The following SH3TC1 variants were observed in gnomAD, a reference collection of about 807,000 sequenced individuals.
SH3TC1 encodes the protein SH3 domain and tetratricopeptide repeat-containing protein 1.
SH3TC1 carries 135 observed loss-of-function variants against 117.3 expected under a neutral mutation model. The ratio of observed to expected loss-of-function variants is 1.15; its 90% CI spans 1.00 to 1.33. The LOEUF (loss-of-function observed/expected upper bound fraction) is 1.33, where lower values mean the gene tolerates loss of function less well. Ranked by LOEUF, SH3TC1 falls within the 40% of genes most tolerant of loss-of-function variation. The pLI, the probability that SH3TC1 is intolerant of heterozygous loss-of-function variation, is 0.00. For missense variants in SH3TC1, 2,092 were observed against 1,794.3 expected, an observed-to-expected ratio of 1.17 and a Z score of -3.00; for synonymous variants, 898 against 816.9, an observed-to-expected ratio of 1.10 and a Z score of -1.69.
In SH3TC1 at chr4:8,240,885, G is replaced by C; in HGVS notation, c.3941G>C (p.Arg1314Pro). 1 of 1,613,272 alleles carries C rather than the reference G, an allele frequency of 6.2e-7. No individual in the cohort carries two copies. Among genetic ancestry groups the C allele is most frequent in the Non-Finnish European group, 8.5e-7 (1 of 1,179,998 alleles). Residue 1314 changes from arginine (R) to proline (P), a missense_variant, in exon 18 of 18, where the codon CGC becomes CCC. By Grantham distance (103) the Arg-to-Pro change is moderately radical. Transcript: ENST00000245105. ...ARTFATELNV[R>P]RVNLPPLPLC... The stretch of plus-strand genomic sequence containing the variant: ...ACCTTCGCCACAGAGCTCAACGTCC[G>C]CAGGGTCAACCTGCCTCCTCTGCCA...
At position 8,205,371 on chromosome 4, in the gene SH3TC1, G is replaced by A. The variant is rs1054364041; in HGVS notation, c.172+5G>A. ...CCAAGGCGCCAGTGAGAGGCGGTGA[G>A]TTCATTCCACCCTCACCACCCGCCC... is the stretch of plus-strand genomic sequence containing the variant. On this transcript the variant is annotated splice_donor_5th_base_variant and intron_variant, in intron 2 of 17. Coordinates refer to ENST00000245105, the MANE Select transcript of SH3TC1 (RefSeq NM_018986.5). This position sits in a 1 kb window ranked among gnomAD's most constrained non-coding sequence, Gnocchi z 5.4. The A allele has an allele frequency of 2.6e-6, 4 of 1,544,474 alleles. No homozygotes were observed. The African/African-American group carries it at 5.5e-5, about 21-fold the overall frequency.
At chr4:8,238,204 G>A (rs1265771027) in intron 17 of SH3TC1, among the ~76,000 whole-genome samples, 1 of 152,180 alleles carries the variant, frequency 6.6e-6, no homozygotes, top group Non-Finnish European at 1.5e-5. Flanking sequence ...GGCAGGGTGG[G>A]GCGGGGCCGG....
Position 8,183,325 on chromosome 4 carries a change from C to T in SH3TC1, c.-57+1115C>T, listed in dbSNP as rs1717130522. Among the ~76,000 whole-genome samples the T allele has an allele frequency of 6.6e-6, 1 of 152,190 alleles. No homozygotes were observed. Among genetic ancestry groups the T allele is most frequent in the East Asian group, 1.9e-4 (1 of 5,196 alleles). On this transcript the variant is annotated intron_variant, in intron 1 of 16. Coordinates refer to the SH3TC1 transcript ENST00000508641. The surrounding 1 kb of genome is among the most constrained non-coding windows in gnomAD (Gnocchi z 5.4). The stretch of plus-strand genomic sequence containing the variant: ...GCAGGTCACGCCTGGGGCTAGGATG[C>T]CCTTCCAAAGCCCTGCCTCGGTTTC...
Position 8,209,797 on chromosome 4 carries a change from C to T in SH3TC1, c.222C>T (p.Pro74=), listed in dbSNP as rs759089245. Residue 74 remains proline, a synonymous_variant, in exon 3 of 18, where the codon CCC becomes CCT. Coordinates refer to ENST00000245105, the MANE Select transcript of SH3TC1 (RefSeq NM_018986.5). This position sits in a 1 kb window ranked among gnomAD's most constrained non-coding sequence, Gnocchi z 5.9. ...CTGGGCCTGCTGCTGGGACCCCTCC[C>T]TGCCAGATGGGGGTTTATCCCACAG... ...RVAGPAAGTP[P]CQMGVYPTDL... is the part of the protein sequence containing the mutation. 1.2e-6 allele frequency: 2 copies of T among 1,613,604 alleles called. No individual in the cohort carries two copies. The highest frequency in any genetic ancestry group is 3.3e-5 in the Admixed American group (2 of 60,004).
At position 8,233,476 on chromosome 4, in the gene SH3TC1, T is replaced by G; in HGVS notation, c.3245T>G (p.Ile1082Ser). 6.2e-7 allele frequency: 1 copy of G among 1,613,532 alleles called. No individual in the cohort carries two copies. The highest frequency in any genetic ancestry group is 1.1e-5 in the South Asian group (1 of 90,980). ...AWLQAGKIYYILRQSELVDLY... is the reference protein window; with the variant it reads ...AWLQAGKIYYSLRQSELVDLY... Reference sequence around the variant, plus strand: ...CTGCAAGCAGGGAAGATCTATTACATCTTGCGGCAGAGCGAGCTGGTGGAC... The same window carrying G: ...CTGCAAGCAGGGAAGATCTATTACAGCTTGCGGCAGAGCGAGCTGGTGGAC... Residue 1082 changes from isoleucine (I) to serine (S), a missense_variant, in exon 14 of 18, where the codon ATC becomes AGC. Coordinates refer to ENST00000245105, the MANE Select transcript of SH3TC1 (RefSeq NM_018986.5).
rs1485322795 is a variant in SH3TC1, at chr4:8,206,313, G to T, written c.172+947G>T. 6.6e-6 allele frequency among the ~76,000 whole-genome samples: 1 copy of T among 151,996 alleles called. No individual in the cohort carries two copies. Among genetic ancestry groups the T allele is most frequent in the Non-Finnish European group, 1.5e-5 (1 of 67,992 alleles). On this transcript the variant is annotated intron_variant, in intron 2 of 17. Transcript: ENST00000245105. This position sits in a 1 kb window ranked among gnomAD's most constrained non-coding sequence, Gnocchi z 5.5. ...GGCAGGAAGGGCGGCTCAGAGGTTT[G>T]GGGTGGGGCCTGGGCCTGGGGAGCC...
intron 4 of SH3TC1, 100 bp downstream of exon 4, chr4:8,212,928 C>T: frequency 7.0e-7 from 1 of 1,426,530 alleles, no homozygotes; most frequent in South Asian, 1.5e-5. Context: ...AGGAGGCAGG[C>T]CTCAGAGAGC....
At position 8,227,988 on chromosome 4, in the gene SH3TC1, C is replaced by T. The variant is rs200781055; in HGVS notation, c.2294C>T (p.Thr765Ile). ...APQPHSLPAQ[T>I]SHYLRQALAS... Reference sequence around the variant, plus strand: ...CAGCCCCACAGCCTCCCTGCCCAAACTTCCCACTACCTCAGGCAAGCGCTG... The same window carrying T: ...CAGCCCCACAGCCTCCCTGCCCAAATTTCCCACTACCTCAGGCAAGCGCTG... Residue 765 changes from threonine to isoleucine, a missense_variant, in exon 12 of 18, where the codon ACT becomes ATT. Physicochemically the swap from Thr to Ile is moderately conservative, Grantham distance 89. Coordinates refer to ENST00000245105, the MANE Select transcript of SH3TC1 (RefSeq NM_018986.5). 29 of 1,612,212 alleles carry T rather than the reference C, an allele frequency of 1.8e-5. No individual in the cohort carries two copies. The highest frequency in any genetic ancestry group is 2.2e-5 in the Non-Finnish European group (26 of 1,179,726).
chr4:8,227,656 G>A lies in SH3TC1; in HGVS notation c.1962G>A (p.Arg654=). Residue 654 remains arginine, a synonymous_variant, in exon 12 of 18, where the codon CGG becomes CGA. Coordinates refer to ENST00000245105, the MANE Select transcript of SH3TC1 (RefSeq NM_018986.5). ...EGELLQLALR[R]AVGGQSLQAE... The stretch of plus-strand genomic sequence containing the variant: ...AGCTCCTGCAGCTGGCGCTGCGGCG[G>A]GCGGTGGGTGGCCAGAGCCTGCAGG... 2 of 1,528,074 alleles carry A rather than the reference G, an allele frequency of 1.3e-6. No individual in the cohort carries two copies. The highest frequency in any genetic ancestry group is 2.6e-5 in the South Asian group (2 of 76,630). 94.7% of individuals were successfully genotyped at this position (1,528,074 alleles called of 1,614,324 possible).
At position 8,228,319 on chromosome 4, in the gene SH3TC1, G is replaced by A. The variant is rs774807393; in HGVS notation, c.2625G>A (p.Arg875=). ...ACATGGTGGCCGTGGCTCTGAAGAG[G>A]ACGGGCCGGACGAGGCAGGCAGCTG... ...IANMVAVALK[R]TGRTRQAAES... is the part of the protein sequence containing the mutation. Residue 875 remains arginine, a synonymous_variant, in exon 12 of 18, where the codon AGG becomes AGA. Transcript: ENST00000245105. 135 of 1,611,916 alleles carry A rather than the reference G, an allele frequency of 8.4e-5. No homozygotes were observed. The highest frequency in any genetic ancestry group is 1.1e-4 in the Non-Finnish European group (132 of 1,179,914).
At position 8,228,376 on chromosome 4, in the gene SH3TC1, G is replaced by C. The variant is rs754439274; in HGVS notation, c.2682G>C (p.Arg894=). The part of the protein sequence containing the change: ...ESYYRALRVA[R]DLGQQRNQAV... ...ACTACCGCGCCCTGCGGGTGGCTCG[G>C]GACCTGGGCCAGCAAAGGAACCAGG... The change falls in exon 12 of 18, where the codon CGG becomes CGC. Residue 894 remains arginine (R), a synonymous_variant. Coordinates refer to ENST00000245105, the MANE Select transcript of SH3TC1 (RefSeq NM_018986.5). 186 of 1,611,054 alleles carry C rather than the reference G, an allele frequency of 1.2e-4. No homozygotes were observed. The highest frequency in any genetic ancestry group is 1.5e-4 in the Non-Finnish European group (176 of 1,179,298).
chr4:8,228,377 G>C lies in SH3TC1; in HGVS notation c.2683G>C (p.Asp895His), dbSNP rs202120468. 1.2e-6 allele frequency: 2 copies of C among 1,611,156 alleles called. No individual in the cohort carries two copies. Among genetic ancestry groups the C allele is most frequent in the East Asian group, 4.5e-5 (2 of 44,862 alleles). ...CTACCGCGCCCTGCGGGTGGCTCGG[G>C]ACCTGGGCCAGCAAAGGAACCAGGC... ...SYYRALRVAR[D>H]LGQQRNQAVG... Residue 895 changes from aspartate (D) to histidine (H), a missense_variant, in exon 12 of 18, where the codon GAC becomes CAC. Coordinates refer to ENST00000245105, the MANE Select transcript of SH3TC1 (RefSeq NM_018986.5).
Position 8,237,285 on chromosome 4 carries a change from C to A in SH3TC1, c.3557-189C>A, listed in dbSNP as rs920853329. On this transcript the variant is annotated intron_variant, in intron 16 of 17. Coordinates refer to ENST00000245105, the MANE Select transcript of SH3TC1 (RefSeq NM_018986.5). ...CAAGTCCGACTTTGCCAAAGCCTCA[C>A]GGTAGATGGGGGCAGGCCTTATTAG... 2 of 506,322 alleles carry A rather than the reference C, an allele frequency of 4.0e-6. 1 individual carries two copies. Among genetic ancestry groups the A allele is most frequent in the South Asian group, 7.1e-5 (2 of 28,040 alleles). The allele number at this position is 506,322 out of a possible 1,614,324, so 31.4% of individuals were successfully genotyped here.
rs373719239 is a variant in SH3TC1, at chr4:8,226,614, T to G, written c.1286-366T>G. Among the ~76,000 whole-genome samples the G allele has an allele frequency of 1.1e-4, 17 of 152,152 alleles. No homozygotes were observed. The East Asian group carries it at 1.2e-3, about 10-fold the overall frequency. On this transcript the variant is annotated intron_variant, in intron 11 of 17. Coordinates refer to ENST00000245105, the MANE Select transcript of SH3TC1 (RefSeq NM_018986.5). ...TAGTGCTGCGTACACTTGGGTGCAG[T>G]TAGAAGGCTTTGATTCTTTCTAAAG...
At chr4:8,235,912 G>A (rs1473638766) in intron 15 of SH3TC1, 1 of 361,252 alleles carries the variant, frequency 2.8e-6, no homozygotes, top group Non-Finnish European at 5.0e-6. Context: ...GCCCAGGTCT[G>A]CATGCACCCC....
intron 9 of SH3TC1, among the ~76,000 whole-genome samples, chr4:8,219,993 C>G (rs376021900): frequency 6.6e-6 from 1 of 152,166 alleles, no homozygotes; most frequent in Non-Finnish European, 1.5e-5. Context: ...TGCACTCTGC[C>G]GCCGTCTCCA....
rs955287658 is a variant in SH3TC1, at chr4:8,228,331, G to A, written c.2637G>A (p.Thr879=). 3.7e-6 allele frequency: 6 copies of A among 1,611,834 alleles called. No individual in the cohort carries two copies. The highest frequency in any genetic ancestry group is 1.3e-5 in the African/African-American group (1 of 74,934). Residue 879 remains threonine, a synonymous_variant, in exon 12 of 18, where the codon ACG becomes ACA. Coordinates refer to ENST00000245105, the MANE Select transcript of SH3TC1 (RefSeq NM_018986.5). ...TGGCTCTGAAGAGGACGGGCCGGAC[G>A]AGGCAGGCAGCTGAGAGCTACTACC... ...VAVALKRTGR[T]RQAAESYYRA... is the part of the protein sequence containing the mutation.
intron 14 of SH3TC1, among the ~76,000 whole-genome samples, chr4:8,233,905 C>A (rs1721505608): frequency 6.6e-6 from 1 of 150,990 alleles, no homozygotes; most frequent in Non-Finnish European, 1.5e-5. Flanking sequence ...ATCATCCATC[C>A]ATCCATCATT....
chr4:8,232,266 T>A, intron 13 of SH3TC1, 110 bp downstream of exon 13: 1 of 1,444,222 alleles, frequency 6.9e-7, no homozygotes. Flanking sequence ...CTCCTTGGGA[T>A]CATTTGGTTC....
Sources: gnomAD v4.1 joint callset for allele counts (sites outside exome capture counted in the v4.1 genomes callset) on GRCh38, gnomAD v4.1.1 for gene constraint, Gnocchi (gnomAD v3.1) non-coding constraint, MANE v1.5 for transcripts, NCBI Gene and HGNC (gene_info 2026-07-23, HGNC 2026-07-21) for gene names.